The following CFAP61 variants were observed in gnomAD, a reference collection of about 807,000 sequenced individuals.
The protein encoded by CFAP61 is cilia- and flagella-associated protein 61.
In CFAP61, 107 loss-of-function variants were observed where a neutral mutation model predicts 135.6. The observed-to-expected ratio is 0.79, with a 90% CI of 0.67 to 0.93. The LOEUF is 0.93. CFAP61 is among the 40% of genes least tolerant of loss of function. The pLI is 0.00. For missense variants in CFAP61, 1,507 were observed against 1,556.2 expected, an observed-to-expected ratio of 0.97 and a Z score of 0.53; for synonymous variants, 575 against 578.5, an observed-to-expected ratio of 0.99 and a Z score of 0.09.
At chr20:20,317,207 G>GT (rs1451928923) in intron 25 of CFAP61, among the ~76,000 whole-genome samples, 1 of 151,954 alleles carries the variant, frequency 6.6e-6, no homozygotes, top group African/African-American at 2.4e-5. Flanking sequence ...TCTAAGCCTT[G>GT]TTTCCCTTAT....
At chr20:20,314,599 A>G (rs920584951) in intron 25 of CFAP61, among the ~76,000 whole-genome samples, 4 of 147,432 alleles carry the variant, frequency 2.7e-5, no homozygotes, top group African/African-American at 1.0e-4. Context: ...GGTTAGTTAC[A>G]TATGTATACA....
At chr20:20,229,783 T>C (rs527440154) in intron 18 of CFAP61, among the ~76,000 whole-genome samples, 70 of 152,370 alleles carry the variant, frequency 4.6e-4, no homozygotes, top group African/African-American at 1.7e-3. Context: ...GAGTCATTAC[T>C]GAAGTTAGTA....
intron 3 of CFAP61, among the ~76,000 whole-genome samples, chr20:20,073,387 C>G (rs2045855390): frequency 6.6e-6 from 1 of 152,206 alleles, no homozygotes; most frequent in Non-Finnish European, 1.5e-5. Flanking sequence ...CCGAGTGCTT[C>G]TGAGTCACAC....
chr20:20,138,743 G>A (rs903737173), intron 8 of CFAP61, among the ~76,000 whole-genome samples: 1 of 152,144 alleles, frequency 6.6e-6, no homozygotes, highest in African/African-American at 2.4e-5. Context: ...GTGTTCCTGT[G>A]GGGAGGATGA....
chr20:20,128,047 C>T (rs1424472043), intron 8 of CFAP61, among the ~76,000 whole-genome samples: 1 of 151,704 alleles, frequency 6.6e-6, no homozygotes, highest in African/African-American at 2.4e-5. Flanking sequence ...TGTGCCCCAC[C>T]CAGTAGTCTG....
intron 24 of CFAP61, among the ~76,000 whole-genome samples, chr20:20,291,105 A>G (rs1020723435): frequency 2.6e-5 from 4 of 152,022 alleles, no homozygotes; most frequent in Non-Finnish European, 4.4e-5. Flanking sequence ...CTCCCCCACT[A>G]TCAACATCCC....
chr20:20,228,234 G>T lies in CFAP61; in HGVS notation c.1933-15G>T. The T allele has an allele frequency of 1.3e-6, 2 of 1,588,452 alleles. No individual in the cohort carries two copies. The highest frequency in any genetic ancestry group is 1.7e-6 in the Non-Finnish European group (2 of 1,160,514). On this transcript the variant is annotated splice_polypyrimidine_tract_variant and intron_variant, in intron 17 of 26. Coordinates refer to ENST00000245957, the MANE Select transcript of CFAP61 (RefSeq NM_015585.4). Reference sequence around the variant, plus strand: ...TTTCTTTGACTCCTTCTTTGTCTTCGTATTTTTTTTCCAGATGAGTTATGC... The same window carrying T: ...TTTCTTTGACTCCTTCTTTGTCTTCTTATTTTTTTTCCAGATGAGTTATGC...
At chr20:20,136,432 T>C (rs1238942376) in intron 8 of CFAP61, among the ~76,000 whole-genome samples, 1 of 152,170 alleles carries the variant, frequency 6.6e-6, no homozygotes, top group Non-Finnish European at 1.5e-5. Context: ...TTTTATTCTT[T>C]TTTCTTTTGT....
In CFAP61 at chr20:20,075,620, A is replaced by ATGCCTT; in HGVS notation, c.566+5_566+6insTGCCTT. The ATGCCTT allele has an allele frequency of 6.2e-7, 1 of 1,613,800 alleles. No individual in the cohort carries two copies. The highest frequency in any genetic ancestry group is 2.2e-5 in the East Asian group (1 of 44,854). On this transcript the variant is annotated splice_donor_region_variant and intron_variant, in intron 6 of 26. Transcript: ENST00000245957. Reference sequence around the variant, plus strand: ...GCTGCACGTTCGCAAAGCCAGGTACAGTTGGAGTCATGCCTTGTGTGACCT... The same window carrying ATGCCTT: ...GCTGCACGTTCGCAAAGCCAGGTACATGCCTTGTTGGAGTCATGCCTTGTGTGACCT...
intron 24 of CFAP61, among the ~76,000 whole-genome samples, chr20:20,295,791 G>T (rs925933603): frequency 1.3e-5 from 2 of 150,202 alleles, no homozygotes; most frequent in South Asian, 4.2e-4. Context: ...CTCAGACCAC[G>T]AAGTCAGGAC....
intron 10 of CFAP61, 82 bp from the exon 11 acceptor site, chr20:20,163,968 T>C (rs561978899): frequency 1.7e-6 from 2 of 1,173,076 alleles, no homozygotes; most frequent in South Asian, 1.5e-5. Flanking sequence ...CGGTGTCATG[T>C]AGAGATAATG....
intron 18 of CFAP61, among the ~76,000 whole-genome samples, chr20:20,230,833 G>A (rs1278445156): frequency 3.3e-5 from 5 of 152,152 alleles, no homozygotes; most frequent in Non-Finnish European, 5.9e-5. Flanking sequence ...TAGGATTACG[G>A]GCAGGGGCCA....
intron 25 of CFAP61, chr20:20,323,314 G>A: frequency 9.1e-6 from 9 of 985,354 alleles, no homozygotes; most frequent in Non-Finnish European, 1.1e-5. Flanking sequence ...GCCTTCAAAA[G>A]AGAGTAAGAA....
intron 25 of CFAP61, among the ~76,000 whole-genome samples, chr20:20,339,396 A>G (rs1244743780): frequency 6.6e-6 from 1 of 152,086 alleles, no homozygotes; most frequent in Non-Finnish European, 1.5e-5. Flanking sequence ...TCTCCTTCCT[A>G]TGGATACAGA....
intron 24 of CFAP61, among the ~76,000 whole-genome samples, chr20:20,293,578 C>T (rs369740899): frequency 2.0e-5 from 3 of 152,136 alleles, no homozygotes; most frequent in Non-Finnish European, 4.4e-5. Context: ...AACAATATTT[C>T]GCCAGAGAAA....
chr20:20,085,498 G>A (rs770959901), intron 6 of CFAP61: 1 of 1,366,506 alleles, frequency 7.3e-7, no homozygotes, highest in African/African-American at 1.5e-5. Context: ...TCCAAGATTT[G>A]GATGTTTTTC....
intron 20 of CFAP61, chr20:20,253,173 T>A (rs369988929): frequency 7.1e-6 from 1 of 141,062 alleles, no homozygotes; most frequent in Non-Finnish European, 1.5e-5. Flanking sequence ...TCTTTCCTTT[T>A]CTTCCTTCCT....
Position 20,298,243 on chromosome 20 carries a change from G to A in CFAP61, c.3279G>A (p.Lys1093=), listed in dbSNP as rs1462799676. 2.5e-6 allele frequency: 4 copies of A among 1,613,978 alleles called. No individual in the cohort carries two copies. Among genetic ancestry groups the A allele is most frequent in the African/African-American group, 2.7e-5 (2 of 74,896 alleles). The change falls in exon 25 of 27, where the codon AAG becomes AAA. Residue 1093 remains lysine, a synonymous_variant. Coordinates refer to ENST00000245957, the MANE Select transcript of CFAP61 (RefSeq NM_015585.4). ...NGTYFRIHIN[K]YKMVETITCL... ...CTTACTTCCGAATTCATATTAACAA[G>A]TATAAAATGGTGGAAACCATCACGT... is the stretch of plus-strand genomic sequence containing the variant.
At chr20:20,354,120 C>A (rs2058953224) in intron 26 of CFAP61, among the ~76,000 whole-genome samples, 1 of 152,064 alleles carries the variant, frequency 6.6e-6, no homozygotes, top group Non-Finnish European at 1.5e-5. Context: ...TATATATGCA[C>A]AATGGAATAC....
Sources: allele counts gnomAD v4.1 joint callset (sites outside exome capture counted in the v4.1 genomes callset), GRCh38; gene constraint gnomAD v4.1.1; transcripts MANE v1.5; gene names NCBI Gene and HGNC (gene_info 2026-07-23, HGNC 2026-07-21).